The following SLC6A2 variants were observed in gnomAD, a reference collection of about 807,000 sequenced individuals.
SLC6A2 encodes sodium-dependent noradrenaline transporter.
In SLC6A2, 26 loss-of-function variants were observed where a neutral mutation model predicts 71.7. The ratio of observed to expected loss-of-function variants is 0.36; its 90% CI spans 0.27 to 0.50. The LOEUF (loss-of-function observed/expected upper bound fraction) is 0.50, where lower values mean the gene tolerates loss of function less well. Ranked by LOEUF, SLC6A2 falls within the 20% of genes least tolerant of loss-of-function variation. The pLI is 0.96. For missense variants in SLC6A2, 581 were observed against 803.9 expected (o/e 0.72, Z 3.35); for synonymous variants, 363 against 337.9 (o/e 1.07, Z -0.82).
chr16:55,699,568 A>G lies in SLC6A2; in HGVS notation c.1504A>G (p.Ser502Gly). 2 of 1,614,058 alleles carry G rather than the reference A, an allele frequency of 1.2e-6. No homozygotes were observed. Among genetic ancestry groups the G allele is most frequent in the Non-Finnish European group, 1.7e-6 (2 of 1,179,942 alleles). ...VSWFYGVDRF[S>G]NDIQQMMGFR... ...TGTGTGCACAGGAGTGGACAGGTTC[A>G]GCAACGACATCCAGCAGATGATGGG... Residue 502 changes from serine (S) to glycine (G), a missense_variant, in exon 12 of 15, where the codon AGC becomes GGC. Physicochemically the swap from Ser to Gly is moderately conservative, Grantham distance 56 (BLOSUM62 0). This residue lies in a region of SLC6A2 where 334 missense variants were observed against 449.0 expected (regional missense o/e 0.74). Transcript: ENST00000568943.
At chr16:55,698,412 A>G (rs1392376889) in intron 10 of SLC6A2, 57 bp from the exon 11 acceptor site, 11 of 1,224,638 alleles carry the variant, frequency 9.0e-6, no homozygotes, top group African/African-American at 3.0e-5. Context: ...AGACACAACA[A>G]TCAGTTCCCA....
chr16:55,679,904 G>T (rs1178949252), intron 4 of SLC6A2, among the ~76,000 whole-genome samples: 1 of 152,184 alleles, frequency 6.6e-6, no homozygotes, highest in African/African-American at 2.4e-5. Flanking sequence ...TTTTTCGGTT[G>T]GATGATTCTT....
intron 5 of SLC6A2, among the ~76,000 whole-genome samples, chr16:55,689,430 C>T (rs1165826534): frequency 4.6e-5 from 7 of 152,222 alleles, no homozygotes; most frequent in African/African-American, 1.7e-4. Context: ...GAAACTGAAT[C>T]CATGGCCAAC....
intron 4 of SLC6A2, among the ~76,000 whole-genome samples, chr16:55,676,533 G>A (rs1270483848): frequency 2.6e-5 from 4 of 152,196 alleles, no homozygotes; most frequent in Admixed American, 2.6e-4. Context: ...ATTTTGCACC[G>A]TAGGAGCTTA....
intron 5 of SLC6A2, among the ~76,000 whole-genome samples, chr16:55,690,191 A>G (rs926479111): frequency 1.3e-5 from 2 of 152,130 alleles, no homozygotes; most frequent in African/African-American, 4.8e-5. Flanking sequence ...TCATTCATCT[A>G]CACCACTGCC....
intron 9 of SLC6A2, 151 bp from the exon 10 acceptor site, chr16:55,697,746 A>G: frequency 1.4e-6 from 1 of 730,594 alleles, no homozygotes; most frequent in Non-Finnish European, 2.3e-6. Context: ...TGACGAGAGG[A>G]TGGGGAAGGC....
At chr16:55,680,200 C>T (rs1214932799) in intron 4 of SLC6A2, among the ~76,000 whole-genome samples, 1 of 152,132 alleles carries the variant, frequency 6.6e-6, no homozygotes, top group Non-Finnish European at 1.5e-5. Flanking sequence ...GTGGCACAGA[C>T]AGTGGATTTA....
chr16:55,681,952 G>T (rs544080666), intron 4 of SLC6A2, among the ~76,000 whole-genome samples: 11 of 152,296 alleles, frequency 7.2e-5, no homozygotes, highest in Non-Finnish European at 1.5e-4. Context: ...TGTTGCCCAG[G>T]CTGGAGTGCA....
At chr16:55,664,748 CT>C (rs1362454690) in intron 2 of SLC6A2, among the ~76,000 whole-genome samples, 1 of 152,222 alleles carries the variant, frequency 6.6e-6, no homozygotes, top group Non-Finnish European at 1.5e-5. Flanking sequence ...AGTCACATAG[CT>C]ACACATAGCA....
chr16:55,679,558 C>G (rs1452993173), intron 4 of SLC6A2, among the ~76,000 whole-genome samples: 4 of 152,174 alleles, frequency 2.6e-5, no homozygotes, highest in Non-Finnish European at 1.5e-5. Flanking sequence ...ATGCGTACGC[C>G]CTGCCACCCT....
At chr16:55,678,858 G>A (rs1305688842) in intron 4 of SLC6A2, among the ~76,000 whole-genome samples, 1 of 152,174 alleles carries the variant, frequency 6.6e-6, no homozygotes, top group Non-Finnish European at 1.5e-5. Context: ...AAACCCCAAG[G>A]TTTGGGCCTG....
chr16:55,694,994 G>A lies in SLC6A2; in HGVS notation c.1023-284G>A, dbSNP rs541858413. Among the ~76,000 whole-genome samples the A allele has an allele frequency of 7.2e-5, 11 of 152,300 alleles. No homozygotes were observed. The South Asian group carries it at 2.1e-3, about 29-fold the overall frequency. On this transcript the variant is annotated intron_variant, in intron 7 of 14. Transcript: ENST00000568943. Reference sequence around the variant, plus strand: ...TCTTGAATGACAGGATGAGGAGTTGGGAGGCACTGGGGAGCAGCCATGGAA... The same window carrying A: ...TCTTGAATGACAGGATGAGGAGTTGAGAGGCACTGGGGAGCAGCCATGGAA...
At chr16:55,663,953 G>A (rs1043834366) in intron 2 of SLC6A2, among the ~76,000 whole-genome samples, 5 of 152,114 alleles carry the variant, frequency 3.3e-5, no homozygotes, top group South Asian at 2.1e-4. Context: ...CAGGGAGACC[G>A]AGAAGAATCT....
chr16:55,695,190 A>T, intron 7 of SLC6A2, 88 bp from the exon 8 acceptor site: 1 of 1,517,840 alleles, frequency 6.6e-7, no homozygotes, highest in Non-Finnish European at 9.1e-7. Flanking sequence ...GGCTGGGGCC[A>T]GGCTGCAGGT....
intron 4 of SLC6A2, among the ~76,000 whole-genome samples, chr16:55,672,622 G>A (rs1419997489): frequency 6.6e-6 from 1 of 152,176 alleles, no homozygotes; most frequent in African/African-American, 2.4e-5. Context: ...GGAAGAGCTG[G>A]GGCTCCAGGG....
At chr16:55,694,957 TC>T (rs1965749084) in intron 7 of SLC6A2, among the ~76,000 whole-genome samples, 1 of 152,194 alleles carries the variant, frequency 6.6e-6, no homozygotes, top group Admixed American at 6.5e-5. Flanking sequence ...GGCTGGGTCT[TC>T]TTAGCAAAGC....
intron 2 of SLC6A2, among the ~76,000 whole-genome samples, chr16:55,658,234 G>T (rs1176864219): frequency 6.6e-6 from 1 of 152,082 alleles, no homozygotes; most frequent in Non-Finnish European, 1.5e-5. Flanking sequence ...GAGTGGGGCC[G>T]GGCATGGTGG....
intron 5 of SLC6A2, among the ~76,000 whole-genome samples, chr16:55,691,130 A>G (rs1161207725): frequency 6.7e-6 from 1 of 149,502 alleles, no homozygotes; most frequent in Non-Finnish European, 1.5e-5. Context: ...AGAGATAAAC[A>G]TAAGGGAGAG....
intron 2 of SLC6A2, among the ~76,000 whole-genome samples, chr16:55,668,766 T>A (rs1964821825): frequency 6.6e-6 from 1 of 152,142 alleles, no homozygotes; most frequent in Non-Finnish European, 1.5e-5. Context: ...AGGGACCCCA[T>A]GAAGTTTCTG....
Sources: gnomAD v4.1 joint callset for allele counts (sites outside exome capture counted in the v4.1 genomes callset) on GRCh38, gnomAD v4.1.1 for gene constraint, gnomAD v4.1.1 regional missense constraint, MANE v1.5 for transcripts, NCBI Gene and HGNC (gene_info 2026-07-23, HGNC 2026-07-21) for gene names.